DENND4A: variants seen among roughly 807,000 people sequenced by gnomAD.
The protein encoded by DENND4A is DENN domain containing 4A.
In DENND4A, 70 loss-of-function variants were observed where a neutral mutation model predicts 199.3. The observed-to-expected ratio is 0.35, with a 90% CI of 0.29 to 0.43. The LOEUF (loss-of-function observed/expected upper bound fraction) is 0.43, where lower values mean the gene tolerates loss of function less well. Among genes scored for constraint, DENND4A ranks in the 20% least tolerant of loss-of-function variants. The pLI is 1.00. For missense variants in DENND4A, 1,723 were observed against 2,255.8 expected (o/e 0.76, Z 4.78); for synonymous variants, 686 against 766.9 (o/e 0.89, Z 1.74).
Position 65,659,754 on chromosome 15 carries a change from G to A in DENND4A, c.*2097C>T, listed in dbSNP as rs2075798632. 6.5e-6 allele frequency: 1 copy of A among 153,556 alleles called. No homozygotes were observed. Among genetic ancestry groups the A allele is most frequent in the Non-Finnish European group, 1.4e-5 (1 of 68,980 alleles). The allele number at this position is 153,556 out of a possible 1,614,324, so 9.5% of individuals were successfully genotyped here. On this transcript the variant is annotated 3_prime_UTR_variant, in exon 33 of 33. Transcript: ENST00000443035. The stretch of plus-strand genomic sequence containing the variant: ...TAATATTCCCTAGGGATTAAAAGTA[G>A]GGGAAATACAACCCTCTCCAAAAGC...
chr15:65,758,211 A>G (rs1453076394), intron 2 of DENND4A, among the ~76,000 whole-genome samples: 5 of 152,260 alleles, frequency 3.3e-5, no homozygotes, highest in Admixed American at 1.3e-4. Flanking sequence ...AGAGTGTAAC[A>G]GTAATGCATG....
Position 65,690,436 on chromosome 15 carries a change from G to A in DENND4A, c.4158C>T (p.Thr1386=). ...EKASKWYSRF[T]MYTTSSKDQS... is the part of the protein sequence containing the mutation. ...TTACCTTAGATGATGTGGTGTACAT[G>A]GTGAATCTTGAATACCATTTGCTTG... The change falls in exon 23 of 33, where the codon ACC becomes ACT. Residue 1386 remains threonine (T), a synonymous_variant. Coordinates refer to ENST00000443035, the MANE Select transcript of DENND4A (RefSeq NM_001320835.1). 1 of 1,593,458 alleles carries A rather than the reference G, an allele frequency of 6.3e-7. No individual in the cohort carries two copies. Among genetic ancestry groups the A allele is most frequent in the Non-Finnish European group, 8.6e-7 (1 of 1,169,266 alleles).
chr15:65,720,931 T>C (rs536884038), intron 12 of DENND4A, among the ~76,000 whole-genome samples: 19 of 101,578 alleles, frequency 1.9e-4, no homozygotes, highest in Non-Finnish European at 3.8e-4. Context: ...AAAAGTTGAA[T>C]GGGCTGTTTC....
intron 20 of DENND4A, among the ~76,000 whole-genome samples, chr15:65,699,697 T>C (rs541011028): frequency 6.6e-4 from 98 of 148,974 alleles, no homozygotes; most frequent in Admixed American, 1.1e-3. Flanking sequence ...ATTTTTTTTT[T>C]GAGACAGGGT....
At chr15:65,780,747 A>G (rs1445128313) in intron 1 of DENND4A, among the ~76,000 whole-genome samples, 2 of 152,256 alleles carry the variant, frequency 1.3e-5, no homozygotes, top group Non-Finnish European at 2.9e-5. Context: ...AGCAAACTTA[A>G]GCTTCACAAA....
Position 65,700,662 on chromosome 15 carries a change from G to A in DENND4A, c.2715C>T (p.Asp905=). Residue 905 remains aspartate (D), a synonymous_variant, in exon 20 of 33, where the codon GAC becomes GAT. Transcript: ENST00000443035. The stretch of plus-strand genomic sequence containing the variant: ...TGCTGCCATGACTAACAGCATCCAG[G>A]TCACTGCCATCTGCTTAAGAACACA... ...SQTTLSADGS[D]LDAVSHGSMD... 1 of 1,539,960 alleles carries A rather than the reference G, an allele frequency of 6.5e-7. No homozygotes were observed. Among genetic ancestry groups the A allele is most frequent in the Non-Finnish European group, 8.7e-7 (1 of 1,143,274 alleles).
intron 4 of DENND4A, among the ~76,000 whole-genome samples, chr15:65,746,032 G>A (rs187515657): frequency 8.7e-4 from 132 of 151,386 alleles, no homozygotes; most frequent in African/African-American, 3.0e-3. Flanking sequence ...TCCCAGCTAC[G>A]CAGGAGGCTG....
chr15:65,738,170 A>G (rs565972027), intron 6 of DENND4A, among the ~76,000 whole-genome samples: 4 of 152,278 alleles, frequency 2.6e-5, no homozygotes, highest in Non-Finnish European at 4.4e-5. Flanking sequence ...TTTTGATTAA[A>G]TTTATTTGTT....
chr15:65,676,141 A>AATATATATATATATATATATATATAT lies in DENND4A; in HGVS notation c.4369+303_4369+304insATATATATATATATATATATATATAT, dbSNP rs57613461. ...AGAAGACAGGGAAGTAATAAGGAAA[A>AATATATATATATATATATATATATAT]ATATATATATATATATATATATATA... is the stretch of plus-strand genomic sequence containing the variant. On this transcript the variant is annotated intron_variant, in intron 24 of 32. Transcript: ENST00000443035. Among the ~76,000 whole-genome samples the AATATATATATATATATATATATATAT allele has an allele frequency of 7.0e-3, 765 of 109,834 alleles. 7 individuals are homozygous for AATATATATATATATATATATATATAT. The highest frequency in any genetic ancestry group is 0.011 in the East Asian group (18 of 1,644). 72.1% of individuals were successfully genotyped at this position (109,834 alleles called of 152,430 possible). A position where few individuals can be genotyped will look rare whatever the true frequency, so the allele number is the denominator to read the frequency against.
Position 65,690,726 on chromosome 15 carries a change from C to T in DENND4A, c.3868G>A (p.Ala1290Thr). 6.2e-7 allele frequency: 1 copy of T among 1,613,576 alleles called. No individual in the cohort carries two copies. Among genetic ancestry groups the T allele is most frequent in the Non-Finnish European group, 8.5e-7 (1 of 1,179,774 alleles). The stretch of plus-strand genomic sequence containing the variant: ...GGAGGCAGACTAGATCTTCTGCATG[C>T]CTTGACCAATGGTGGACTTTTCTTA... ...LNKKSPPLVK[A>T]CRRSSLPPNS... Residue 1290 changes from alanine (A) to threonine (T), a missense_variant, in exon 23 of 33, where the codon GCA (alanine) becomes ACA (threonine). By Grantham distance (58) the Ala-to-Thr change is moderately conservative. This residue lies in a region of DENND4A where 650 missense variants were observed against 738.1 expected (regional missense o/e 0.88). Transcript: ENST00000443035.
chr15:65,743,887 C>T (rs950697264), intron 4 of DENND4A, among the ~76,000 whole-genome samples: 5 of 152,072 alleles, frequency 3.3e-5, no homozygotes, highest in African/African-American at 1.2e-4. Flanking sequence ...CATGTGGGTC[C>T]TTTTAGGCTG....
At chr15:65,727,084 G>A (rs531584177) in intron 11 of DENND4A, among the ~76,000 whole-genome samples, 2 of 152,136 alleles carry the variant, frequency 1.3e-5, no homozygotes, top group African/African-American at 4.8e-5. Flanking sequence ...GATGCCAAGG[G>A]GGGAGGATCA....
At chr15:65,674,847 T>C (rs893831154) in intron 24 of DENND4A, among the ~76,000 whole-genome samples, 4 of 152,164 alleles carry the variant, frequency 2.6e-5, no homozygotes, top group Admixed American at 6.5e-5. Flanking sequence ...AAATTATACA[T>C]TGTCTGAGAT....
chr15:65,662,354 A>AT (rs1458871579), intron 32 of DENND4A, among the ~76,000 whole-genome samples: 1 of 152,126 alleles, frequency 6.6e-6, no homozygotes, highest in African/African-American at 2.4e-5. Context: ...TTATGGTTTC[A>AT]TTTTTTAAAT....
intron 10 of DENND4A, 132 bp from the exon 11 acceptor site, chr15:65,729,379 C>G: frequency 7.3e-7 from 1 of 1,364,358 alleles, no homozygotes; most frequent in Non-Finnish European, 1.0e-6. Context: ...ATAATTATAA[C>G]TAGAGTTAAT....
chr15:65,709,556 T>C (rs1195043020), intron 14 of DENND4A, among the ~76,000 whole-genome samples: 1 of 151,390 alleles, frequency 6.6e-6, no homozygotes, highest in Non-Finnish European at 1.5e-5. Context: ...TAGCCAGGTG[T>C]GGTGGCACAC....
chr15:65,738,221 G>A (rs57010231), intron 6 of DENND4A, among the ~76,000 whole-genome samples: 46 of 152,110 alleles, frequency 3.0e-4, no homozygotes, highest in African/African-American at 1.1e-3. Flanking sequence ...TTCTCTATAA[G>A]AAAATGATTG....
chr15:65,778,594 T>C (rs1237628627), intron 1 of DENND4A, among the ~76,000 whole-genome samples: 3 of 152,116 alleles, frequency 2.0e-5, no homozygotes, highest in Non-Finnish European at 4.4e-5. Context: ...GGTTTCCTAG[T>C]GCATATAAAA....
chr15:65,718,777 T>G (rs1181636526), intron 12 of DENND4A, among the ~76,000 whole-genome samples: 3 of 136,354 alleles, frequency 2.2e-5, no homozygotes, highest in Non-Finnish European at 3.1e-5. Context: ...TTTTTTTTTT[T>G]TTTTTTTTTT....
Sources: gnomAD v4.1 joint callset for allele counts (sites outside exome capture counted in the v4.1 genomes callset) on GRCh38, gnomAD v4.1.1 for gene constraint, gnomAD v4.1.1 regional missense constraint, MANE v1.5 for transcripts, NCBI Gene and HGNC (gene_info 2026-07-23, HGNC 2026-07-21) for gene names.